Variants in CCDC74A observed in about 807,000 individuals in gnomAD.
CCDC74A encodes coiled-coil domain-containing protein 74A.
In CCDC74A, 38 loss-of-function variants were observed where a neutral mutation model predicts 37.6. The observed-to-expected ratio is 1.01, with a 90% CI of 0.78 to 1.33. The LOEUF is 1.33. Among genes scored for constraint, CCDC74A ranks in the 40% most tolerant of loss-of-function variants. The probability of loss-of-function intolerance (pLI) is 0.00; values close to 1 mark genes in which losing one functional copy is unlikely to be tolerated. For missense variants in CCDC74A, 340 were observed against 403.4 expected (o/e 0.84, Z 1.35); for synonymous variants, 134 against 165.2 (o/e 0.81, Z 1.45).
rs1573522287 is a variant in CCDC74A, at chr2:131,528,615, C to G, written c.250+395C>G. 1.0e-5 allele frequency: 8 copies of G among 768,630 alleles called. No homozygotes were observed. In the East Asian group the frequency reaches 2.2e-4, roughly 21 times the overall value. 47.6% of individuals were successfully genotyped at this position (768,630 alleles called of 1,614,324 possible). A position where few individuals can be genotyped will look rare whatever the true frequency, so the allele number is the denominator to read the frequency against. ...CACGAGGTCAGGAGATCGAGACCAT[C>G]CTGGCTAACACGGTGAAATCTCGTC... On this transcript the variant is annotated intron_variant, in intron 1 of 7. Transcript: ENST00000409856.
In CCDC74A at chr2:131,533,489, G is replaced by C; in HGVS notation, c.*91G>C. 6.5e-7 allele frequency: 1 copy of C among 1,543,710 alleles called. No homozygotes were observed. The highest frequency in any genetic ancestry group is 8.8e-7 in the Non-Finnish European group (1 of 1,138,230). ...TTCCTGATACTTCCGCTACTTTTAG[G>C]CCTGGCTAAATTCCAAGACAGATAA... On this transcript the variant is annotated 3_prime_UTR_variant, in exon 8 of 8. Transcript: ENST00000409856.
chr2:131,530,343 C>T (rs576894971), intron 2 of CCDC74A: 34 of 1,545,056 alleles, frequency 2.2e-5, no homozygotes, highest in South Asian at 8.4e-5. Flanking sequence ...CTGGGAACAT[C>T]GCAGCTGGGG....
In CCDC74A at chr2:131,527,932, G is replaced by A. The variant is rs1290000606; in HGVS notation, c.-39G>A. Reference sequence around the variant, plus strand: ...CTAGGGCGGCCTGGCCACTGAGCCGGGGTGCAGTGGCAGCGGGAGAGTACC... The same window carrying A: ...CTAGGGCGGCCTGGCCACTGAGCCGAGGTGCAGTGGCAGCGGGAGAGTACC... On this transcript the variant is annotated 5_prime_UTR_variant, in exon 1 of 8. Coordinates refer to ENST00000409856, the MANE Select transcript of CCDC74A (RefSeq NM_001258306.3). 7.1e-7 allele frequency: 1 copy of A among 1,405,966 alleles called. No individual in the cohort carries two copies. The highest frequency in any genetic ancestry group is 1.5e-5 in the African/African-American group (1 of 66,074). 87.1% of individuals were successfully genotyped at this position (1,405,966 alleles called of 1,614,324 possible).
rs749697554 is a variant in CCDC74A at position 131,529,637 on chromosome 2, T to G, written c.251-10T>G. ...CACAAGTGCTGAGGAGAGCGTGTGC[T>G]TGCTTTCAGATCTCCATTACAAGCT... On this transcript the variant is annotated splice_polypyrimidine_tract_variant and intron_variant, in intron 1 of 7. Coordinates refer to ENST00000409856, the MANE Select transcript of CCDC74A (RefSeq NM_001258306.3). 45 of 1,613,904 alleles carry G rather than the reference T, an allele frequency of 2.8e-5. No homozygotes were observed. Among genetic ancestry groups the G allele is most frequent in the Non-Finnish European group, 1.7e-6 (2 of 1,179,874 alleles).
chr2:131,528,898 G>A (rs1286529004), intron 1 of CCDC74A, among the ~76,000 whole-genome samples: 1 of 152,038 alleles, frequency 6.6e-6, no homozygotes, highest in Non-Finnish European at 1.5e-5. Flanking sequence ...TAAACACATC[G>A]GATCAGGAGC....
At chr2:131,524,927 G>GGT (rs1172587427), upstream of CCDC74A, among the ~76,000 whole-genome samples, 2 of 151,218 alleles carry the variant, frequency 1.3e-5, no homozygotes, top group Admixed American at 1.3e-4. Flanking sequence ...CAGGCATGGT[G>GGT]GTGTGTGCCT....
Position 131,533,522 on chromosome 2 carries a change from G to C in CCDC74A, c.*124G>C. 1 of 1,336,138 alleles carries C rather than the reference G, an allele frequency of 7.5e-7. No individual in the cohort carries two copies. The allele number at this position is 1,336,138 out of a possible 1,614,324, so 82.8% of individuals were successfully genotyped here. A position where few individuals can be genotyped will look rare whatever the true frequency, so the allele number is the denominator to read the frequency against. On this transcript the variant is annotated 3_prime_UTR_variant, in exon 8 of 8. Transcript: ENST00000409856. ...AAATTCCAAGACAGATAACACTCAA[G>C]ATAGATAAAGTACTTGATCTCCAAA...
Position 131,533,320 on chromosome 2 carries a change from C to A in CCDC74A, c.861C>A (p.Thr287=), listed in dbSNP as rs954708846. 2.5e-6 allele frequency: 4 copies of A among 1,613,306 alleles called. No individual in the cohort carries two copies. In the African/African-American group the frequency reaches 5.3e-5, roughly 22 times the overall value. Residue 287 remains threonine (T), a synonymous_variant, in exon 8 of 8, where the codon ACC becomes ACA. Transcript: ENST00000409856. ...CCATCCTGCCCGCACTGAAGCAGAC[C>A]CCGAAGAACAACTTTGCCGAGAGGC... is the stretch of plus-strand genomic sequence containing the variant. ...ERAILPALKQ[T]PKNNFAERQK... is the part of the protein sequence containing the mutation.
At chr2:131,528,475 CCT>C (rs760048301) in intron 1 of CCDC74A, 583 of 1,529,586 alleles carry the variant, frequency 3.8e-4, no homozygotes, top group Non-Finnish European at 4.8e-4. Flanking sequence ...CTCCGCCAAT[CCT>C]CTCCTCTCCA....
At chr2:131,525,308 G>A (rs982506278), upstream of CCDC74A, among the ~76,000 whole-genome samples, 1 of 152,030 alleles carries the variant, frequency 6.6e-6, no homozygotes, top group African/African-American at 2.4e-5. Context: ...CTGGAGTGCA[G>A]TGGTGCAATC....
intron 1 of CCDC74A, 47 bp downstream of exon 1, chr2:131,528,267 C>G (rs563813535): frequency 6.2e-7 from 1 of 1,600,888 alleles, no homozygotes; most frequent in Non-Finnish European, 8.5e-7. Flanking sequence ...CCCAGGCACA[C>G]TCAACACTGC....
chr2:131,530,097 G>A (rs1233402546), intron 2 of CCDC74A: 33 of 1,550,246 alleles, frequency 2.1e-5, no homozygotes, highest in Non-Finnish European at 2.6e-5. Flanking sequence ...TGGGGGCCCA[G>A]GGGCTCTGGA....
chr2:131,524,746 T>A (rs188169897), upstream of CCDC74A, among the ~76,000 whole-genome samples: 16 of 152,098 alleles, frequency 1.1e-4, no homozygotes, highest in East Asian at 2.3e-3. Context: ...GGGAACCAGA[T>A]GTTTAGGACT....
intron 1 of CCDC74A, chr2:131,528,634 T>C (rs1465343022): frequency 2.9e-5 from 19 of 654,080 alleles, no homozygotes; most frequent in Middle Eastern, 7.6e-4. Context: ...CACGGTGAAA[T>C]CTCGTCTCTA....
intron 5 of CCDC74A, 38 bp from the exon 6 acceptor site, chr2:131,532,826 G>A (rs57007130): frequency 0.34 from 539,074 of 1,608,284 alleles, 100,205 homozygotes; most frequent in East Asian, 0.68. Context: ...GTCTGGCACC[G>A]CCACAGGCCC....
At chr2:131,523,713 GT>G (rs1363332617), upstream of CCDC74A, among the ~76,000 whole-genome samples, 1 of 152,226 alleles carries the variant, frequency 6.6e-6, no homozygotes, top group Non-Finnish European at 1.5e-5. Context: ...TCACTAAAGT[GT>G]TAATTGAATG....
At chr2:131,525,923 T>G (rs1680291366), upstream of CCDC74A, among the ~76,000 whole-genome samples, 1 of 151,476 alleles carries the variant, frequency 6.6e-6, no homozygotes, top group Non-Finnish European at 1.5e-5. Flanking sequence ...TTTCACCGTG[T>G]TAGCCAGGAT....
chr2:131,530,524 A>G (rs1681066211), intron 2 of CCDC74A: 1 of 1,576,148 alleles, frequency 6.3e-7, no homozygotes, highest in Admixed American at 1.9e-5. Context: ...GGAAGAGGCC[A>G]TGCTTTCCCT....
upstream of CCDC74A, among the ~76,000 whole-genome samples, chr2:131,523,429 A>G (rs1255171689): frequency 6.6e-6 from 1 of 152,106 alleles, no homozygotes; most frequent in Non-Finnish European, 1.5e-5. Flanking sequence ...GGAGTTTGAG[A>G]CCAGCCTGGC....
Sources: allele counts gnomAD v4.1 joint callset (sites outside exome capture counted in the v4.1 genomes callset), GRCh38; gene constraint gnomAD v4.1.1; transcripts MANE v1.5; gene names NCBI Gene and HGNC (gene_info 2026-07-23, HGNC 2026-07-21).